ACSM3: variants seen among roughly 807,000 people sequenced by gnomAD.
ACSM3 encodes the protein acyl-CoA synthetase medium chain family member 3.
Under a neutral mutation model 74.1 loss-of-function variants are expected in ACSM3, and 61 were observed. The observed-to-expected ratio is 0.82, with a 90% confidence interval of 0.67 to 1.02. ACSM3 has a LOEUF of 1.02. ACSM3 is among the 50% of genes least tolerant of loss of function. The probability of loss-of-function intolerance (pLI) is 0.00; values close to 1 mark genes in which losing one functional copy is unlikely to be tolerated. For missense variants in ACSM3, 660 were observed against 697.0 expected, an observed-to-expected ratio of 0.95 and a Z score of 0.60; for synonymous variants, 213 against 241.5, an observed-to-expected ratio of 0.88 and a Z score of 1.09.
chr16:20,723,610 T>G (rs1284549280), intron 1 of ACSM3, among the ~76,000 whole-genome samples: 1 of 152,222 alleles, frequency 6.6e-6, no homozygotes, highest in African/African-American at 2.4e-5. Flanking sequence ...ATTGTGGTTT[T>G]GATTTGCAGT....
In ACSM3 at chr16:20,750,844, G is replaced by GTTTTTTTTTT. The variant is rs59655300; in HGVS notation, c.-96+850_-96+859dup. 5.3e-4 allele frequency among the ~76,000 whole-genome samples: 61 copies of GTTTTTTTTTT among 115,372 alleles called. 4 individuals are homozygous for GTTTTTTTTTT. The highest frequency in any genetic ancestry group is 9.6e-4 in the East Asian group (4 of 4,180). The allele number at this position is 115,372 out of a possible 152,430, so 75.7% of individuals were successfully genotyped here. A position where few individuals can be genotyped will look rare whatever the true frequency, so the allele number is the denominator to read the frequency against. On this transcript the variant is annotated intron_variant, in intron 2 of 3. Transcript: ENST00000561584. ...GAGAGAATATAAGTTTTGGAGTCAGGTTTTTTTTTTTTTTTTTTGAAACGG... is the reference window on the plus strand; with the variant it reads ...GAGAGAATATAAGTTTTGGAGTCAGGTTTTTTTTTTTTTTTTTTTTTTTTTTTTGAAACGG...
chr16:20,693,671 T>C (rs1321616728), intron 1 of ACSM3, among the ~76,000 whole-genome samples: 1 of 152,188 alleles, frequency 6.6e-6, no homozygotes, highest in Non-Finnish European at 1.5e-5. Context: ...TTAAATGAGA[T>C]GTTCTCCAGT....
chr16:20,745,835 G>A (rs2079955498), intron 1 of ACSM3, among the ~76,000 whole-genome samples: 1 of 152,116 alleles, frequency 6.6e-6, no homozygotes, highest in Non-Finnish European at 1.5e-5. Flanking sequence ...ACAGAACCCA[G>A]GTAGGAGATG....
At chr16:20,765,424 T>C (rs925312699) in intron 1 of ACSM3, among the ~76,000 whole-genome samples, 34 of 152,320 alleles carry the variant, frequency 2.2e-4, no homozygotes, top group Non-Finnish European at 4.3e-4. Context: ...AAGCTCCAAA[T>C]GACTGATCAA....
chr16:20,724,386 A>G (rs1188167036), intron 1 of ACSM3, among the ~76,000 whole-genome samples: 3 of 152,220 alleles, frequency 2.0e-5, no homozygotes, highest in Admixed American at 2.0e-4. Flanking sequence ...ATCTCAAAAT[A>G]ATAAGAGCTA....
intron 1 of ACSM3, among the ~76,000 whole-genome samples, chr16:20,724,745 C>T (rs2079798657): frequency 6.6e-6 from 1 of 152,138 alleles, no homozygotes; most frequent in South Asian, 2.1e-4. Flanking sequence ...AACAGACAAA[C>T]AGAGAGCCAA....
At chr16:20,766,110 T>A (rs1054621043) in intron 1 of ACSM3, among the ~76,000 whole-genome samples, 1 of 152,208 alleles carries the variant, frequency 6.6e-6, no homozygotes, top group East Asian at 1.9e-4. Flanking sequence ...AAGATATTTG[T>A]CCAAATTCCT....
upstream of ACSM3, among the ~76,000 whole-genome samples, chr16:20,761,489 A>T (rs371547515): frequency 6.0e-4 from 92 of 152,326 alleles, no homozygotes; most frequent in African/African-American, 2.0e-3. Flanking sequence ...TGAACTAAGT[A>T]GGACATGACA....
intron 1 of ACSM3, chr16:20,685,539 C>A (rs1457794950): frequency 6.2e-6 from 5 of 803,328 alleles, no homozygotes; most frequent in Non-Finnish European, 1.0e-5. Flanking sequence ...AACATTTATA[C>A]AGCCAGGCGC....
At chr16:20,694,697 T>C (rs995867505) in intron 1 of ACSM3, among the ~76,000 whole-genome samples, 5 of 152,224 alleles carry the variant, frequency 3.3e-5, no homozygotes, top group African/African-American at 1.2e-4. Context: ...TAACCAGTTA[T>C]CATGGTTTGA....
chr16:20,736,686 C>T lies in ACSM3; in HGVS notation c.-189-13224C>T, dbSNP rs1238916353. On this transcript the variant is annotated intron_variant, in intron 1 of 3. Transcript: ENST00000561584. ...ACAGCAGCACATGGGTCTGCCTCTACGTAATACCATAAAGGCTGAAAGATC... is the reference window on the plus strand; with the variant it reads ...ACAGCAGCACATGGGTCTGCCTCTATGTAATACCATAAAGGCTGAAAGATC... The T allele has an allele frequency of 3.8e-5, 23 of 607,718 alleles. No individual in the cohort carries two copies. The East Asian group carries it at 4.2e-4, about 11-fold the overall frequency. The allele number at this position is 607,718 out of a possible 1,614,324, so 37.6% of individuals were successfully genotyped here.
intron 1 of ACSM3, among the ~76,000 whole-genome samples, chr16:20,741,237 CCT>C (rs1249668341): frequency 2.6e-5 from 4 of 152,144 alleles, no homozygotes; most frequent in Non-Finnish European, 5.9e-5. Flanking sequence ...AGAGCGAGAC[CCT>C]GTCTCACAAA....
At chr16:20,685,660 A>G (rs2079534894) in intron 1 of ACSM3, among the ~76,000 whole-genome samples, 1 of 151,798 alleles carries the variant, frequency 6.6e-6, no homozygotes, top group Non-Finnish European at 1.5e-5. Context: ...TCTCTACTAA[A>G]AATTTAAAAA....
At position 20,781,068 on chromosome 16, in the gene ACSM3, ATCCAGG is replaced by A; in HGVS notation, c.878_883del (p.Ile293_Gly295delinsArg). 6.2e-7 allele frequency: 1 copy of A among 1,614,142 alleles called. No individual in the cohort carries two copies. Among genetic ancestry groups the A allele is most frequent in the Non-Finnish European group, 8.5e-7 (1 of 1,180,030 alleles). On this transcript the variant is annotated inframe_deletion, in exon 6 of 14. Coordinates refer to ENST00000289416, the MANE Select transcript of ACSM3 (RefSeq NM_005622.4). ...ATGGAGTAGTGTTTTTTCTCCGTGG[ATCCAGG>A]GAGCATGTGTATTCACACACCATTT... is the stretch of plus-strand genomic sequence containing the variant.
intron 1 of ACSM3, chr16:20,728,597 A>G: frequency 2.2e-6 from 1 of 448,624 alleles, no homozygotes; most frequent in African/African-American, 2.0e-5. Context: ...AATCTATTTC[A>G]TCAGCAGTAA....
At chr16:20,686,669 C>T (rs994233454) in intron 1 of ACSM3, among the ~76,000 whole-genome samples, 3 of 151,986 alleles carry the variant, frequency 2.0e-5, no homozygotes, top group African/African-American at 7.3e-5. Context: ...AAATATAGAG[C>T]CAGGCGAGGT....
At chr16:20,676,398 T>C (rs2020278732) in intron 1 of ACSM3, among the ~76,000 whole-genome samples, 1 of 152,118 alleles carries the variant, frequency 6.6e-6, no homozygotes, top group Non-Finnish European at 1.5e-5. Flanking sequence ...CACCAGCCAG[T>C]TTTAAGAAAG....
chr16:20,750,996 C>T (rs1029904740), intron 2 of ACSM3, among the ~76,000 whole-genome samples: 3 of 152,072 alleles, frequency 2.0e-5, no homozygotes, highest in African/African-American at 7.2e-5. Flanking sequence ...AGGCTCACAC[C>T]ACCATGACTG....
At chr16:20,785,820 G>A (rs578127276) in intron 8 of ACSM3, among the ~76,000 whole-genome samples, 24 of 152,108 alleles carry the variant, frequency 1.6e-4, no homozygotes, top group African/African-American at 5.5e-4. Flanking sequence ...AGCATAACAA[G>A]TATGCTAATA....
Sources: gnomAD v4.1 joint callset for allele counts (sites outside exome capture counted in the v4.1 genomes callset) on GRCh38, gnomAD v4.1.1 for gene constraint, MANE v1.5 for transcripts, NCBI Gene and HGNC (gene_info 2026-07-23, HGNC 2026-07-21) for gene names.